THADA: variants seen among roughly 807,000 people sequenced by gnomAD.
THADA encodes tRNA (32-2'-O)-methyltransferase regulator THADA.
In THADA, 213 loss-of-function variants were observed where a neutral mutation model predicts 219.8. The ratio of observed to expected loss-of-function variants is 0.97; its 90% CI spans 0.87 to 1.09. The LOEUF is 1.09. Among genes scored for constraint, THADA ranks in the 50% least tolerant of loss-of-function variants. THADA has a pLI of 0.00. For synonymous variants in THADA, 1,018 were observed against 828.9 expected, an observed-to-expected ratio of 1.23 and a Z score of -3.92; for missense variants, 2,956 against 2,311.3, an observed-to-expected ratio of 1.28 and a Z score of -5.72.
rs1274292726 is a variant in THADA, at chr2:43,261,441, CTTT to C, written c.5296+18321_5296+18323del. 2.7e-5 allele frequency among the ~76,000 whole-genome samples: 4 copies of C among 149,650 alleles called. No individual in the cohort carries two copies. In the South Asian group the frequency reaches 8.5e-4, roughly 32 times the overall value. ...GTTTCGCCATGTTGCCTGGTTTGTG[CTTT>C]TTTTTGTTTGAGACAGAGTCTTGCT... is the stretch of plus-strand genomic sequence containing the variant. On this transcript the variant is annotated intron_variant, in intron 36 of 37. Coordinates refer to ENST00000405975, the MANE Select transcript of THADA (RefSeq NM_022065.5).
At chr2:43,357,090 C>A (rs2104576330) in intron 29 of THADA, among the ~76,000 whole-genome samples, 1 of 152,306 alleles carries the variant, frequency 6.6e-6, no homozygotes, top group Admixed American at 6.5e-5. Flanking sequence ...TTGAAAATAT[C>A]CCATGCCTTG....
intron 22 of THADA, among the ~76,000 whole-genome samples, chr2:43,523,899 T>C (rs1692818095): frequency 6.6e-6 from 1 of 152,140 alleles, no homozygotes; most frequent in Non-Finnish European, 1.5e-5. Context: ...TATAGTTAAG[T>C]TTGTATCTTA....
rs112266553 is a variant in THADA, at chr2:43,237,983, G to A, written c.5297-5101C>T. Among the ~76,000 whole-genome samples the A allele has an allele frequency of 2.1e-3, 313 of 151,644 alleles. 1 individual carries two copies. The highest frequency in any genetic ancestry group is 0.01 in the Middle Eastern group (3 of 294). On this transcript the variant is annotated intron_variant, in intron 36 of 37. Coordinates refer to ENST00000405975, the MANE Select transcript of THADA (RefSeq NM_022065.5). ...AAAATACAAAAATTAGCCAGGCGTG[G>A]TGGTGGACACCTGTAGTCCCAGCTA... is the stretch of plus-strand genomic sequence containing the variant.
intron 27 of THADA, 146 bp downstream of exon 27, chr2:43,430,067 G>C (rs1679035779): frequency 2.2e-6 from 1 of 448,768 alleles, no homozygotes; most frequent in Non-Finnish European, 3.9e-6. Context: ...GGGTGACAGG[G>C]AAAGACCCTG....
At chr2:43,275,476 C>T (rs752695527) in intron 36 of THADA, among the ~76,000 whole-genome samples, 1 of 152,148 alleles carries the variant, frequency 6.6e-6, no homozygotes, top group Non-Finnish European at 1.5e-5. Context: ...CTGCCCTGTC[C>T]CCATGGCCCA....
At chr2:43,456,646 C>T (rs574332645) in intron 26 of THADA, among the ~76,000 whole-genome samples, 13 of 151,798 alleles carry the variant, frequency 8.6e-5, no homozygotes, top group Non-Finnish European at 1.3e-4. Context: ...AGTGGAATTA[C>T]TTGAGAAATG....
intron 36 of THADA, among the ~76,000 whole-genome samples, chr2:43,237,947 T>A (rs182749319): frequency 2.2e-4 from 33 of 149,950 alleles, no homozygotes; most frequent in African/African-American, 7.5e-4. Flanking sequence ...GGTGAAACCC[T>A]GTCTCTACTA....
At chr2:43,504,010 T>G (rs575646464) in intron 24 of THADA, among the ~76,000 whole-genome samples, 54 of 152,206 alleles carry the variant, frequency 3.5e-4, no homozygotes, top group African/African-American at 1.2e-3. Context: ...AATTGGAGCA[T>G]TTTAGATTTT....
chr2:43,527,774 G>T, intron 22 of THADA, 105 bp downstream of exon 22: 3 of 744,678 alleles, frequency 4.0e-6, no homozygotes, highest in Non-Finnish European at 4.4e-6. Flanking sequence ...AGTCAACCAG[G>T]TCTTATTCTT....
chr2:43,237,545 C>T (rs1302880349), intron 36 of THADA, among the ~76,000 whole-genome samples: 1 of 151,712 alleles, frequency 6.6e-6, no homozygotes, highest in Non-Finnish European at 1.5e-5. Flanking sequence ...ATTACAGGTG[C>T]CTGCCGCTGT....
At chr2:43,481,528 C>T (rs1410287603) in intron 26 of THADA, among the ~76,000 whole-genome samples, 1 of 152,148 alleles carries the variant, frequency 6.6e-6, no homozygotes. Flanking sequence ...ATACTACTTC[C>T]CCCCAACATA....
intron 26 of THADA, among the ~76,000 whole-genome samples, chr2:43,476,044 T>G (rs6731980): frequency 0.14 from 21,906 of 152,134 alleles, 2,146 homozygotes; most frequent in African/African-American, 0.28. Flanking sequence ...CCCTTCTGAG[T>G]AGTCACGTGC....
At chr2:43,430,415 T>C in intron 26 of THADA, 113 bp from the exon 27 acceptor site, 1 of 595,910 alleles carries the variant, frequency 1.7e-6, no homozygotes, top group Non-Finnish European at 2.9e-6. Flanking sequence ...TTTAATTAAA[T>C]ACAGTTAAAA....
chr2:43,366,932 G>A (rs747111716), intron 29 of THADA, among the ~76,000 whole-genome samples: 11 of 151,230 alleles, frequency 7.3e-5, no homozygotes, highest in African/African-American at 1.5e-4. Context: ...AGCCAAAGGC[G>A]GAAGTAAATC....
intron 26 of THADA, among the ~76,000 whole-genome samples, chr2:43,482,181 A>G (rs1405111506): frequency 6.6e-6 from 1 of 152,206 alleles, no homozygotes; most frequent in African/African-American, 2.4e-5. Context: ...AAGAGCTTTA[A>G]AAGTTAAAAT....
At chr2:43,488,833 C>A (rs1269449334) in intron 25 of THADA, among the ~76,000 whole-genome samples, 1 of 152,182 alleles carries the variant, frequency 6.6e-6, no homozygotes, top group Non-Finnish European at 1.5e-5. Context: ...TTCTCCACAT[C>A]CTCCCTAATA....
At chr2:43,541,867 T>A (rs1695368917) in intron 20 of THADA, among the ~76,000 whole-genome samples, 1 of 152,194 alleles carries the variant, frequency 6.6e-6, no homozygotes, top group African/African-American at 2.4e-5. Context: ...TTGTTTAATC[T>A]TTAATTTCCA....
At chr2:43,551,250 C>CATGAT (rs1696707195) in intron 19 of THADA, among the ~76,000 whole-genome samples, 1 of 152,166 alleles carries the variant, frequency 6.6e-6, no homozygotes, top group African/African-American at 2.4e-5. Context: ...AAATATATTT[C>CATGAT]ATGATTTTTC....
chr2:43,286,292 G>A (rs1476350894), intron 35 of THADA, among the ~76,000 whole-genome samples: 3 of 152,150 alleles, frequency 2.0e-5, no homozygotes, highest in Admixed American at 6.5e-5. Context: ...CTTATGAGCC[G>A]TGCTAAAGGG....
Sources: gnomAD v4.1 joint callset for allele counts (sites outside exome capture counted in the v4.1 genomes callset) on GRCh38, gnomAD v4.1.1 for gene constraint, MANE v1.5 for transcripts, NCBI Gene and HGNC (gene_info 2026-07-23, HGNC 2026-07-21) for gene names.